The following TENM4 variants were observed in gnomAD, a reference collection of about 807,000 sequenced individuals.
TENM4 encodes the protein teneurin-4.
TENM4 carries 82 observed loss-of-function variants against 243.3 expected under a neutral mutation model. That is an observed-to-expected ratio of 0.34 (90% CI 0.28 to 0.40). The LOEUF (loss-of-function observed/expected upper bound fraction) is 0.40, where lower values mean the gene tolerates loss of function less well. Among genes scored for constraint, TENM4 ranks in the 10% least tolerant of loss-of-function variants. TENM4 has a pLI of 1.00. For synonymous variants in TENM4, 1,412 were observed against 1,456.3 expected (o/e 0.97, Z 0.69); for missense variants, 3,138 against 3,673.3 (o/e 0.85, Z 3.77).
chr11:79,098,370 C>T (rs559257350), intron 4 of TENM4, among the ~76,000 whole-genome samples: 2 of 152,312 alleles, frequency 1.3e-5, no homozygotes, highest in South Asian at 2.1e-4. Flanking sequence ...TGGCTCCTGA[C>T]AGCCTACTCC....
At chr11:79,359,272 G>A (rs1231822994) in intron 1 of TENM4, among the ~76,000 whole-genome samples, 7 of 152,114 alleles carry the variant, frequency 4.6e-5, no homozygotes, top group Admixed American at 4.6e-4. Flanking sequence ...AAAAAAGAAT[G>A]AATCCAGTAT....
At chr11:78,898,978 C>A (rs559110997) in intron 7 of TENM4, among the ~76,000 whole-genome samples, 1 of 152,166 alleles carries the variant, frequency 6.6e-6, no homozygotes, top group Non-Finnish European at 1.5e-5. Context: ...TTTGTTACAA[C>A]AGCCTTATGA....
chr11:79,039,352 A>G (rs1004618037), intron 6 of TENM4, among the ~76,000 whole-genome samples: 2 of 152,154 alleles, frequency 1.3e-5, no homozygotes, highest in African/African-American at 4.8e-5. Flanking sequence ...TCCCAGCCCC[A>G]CACTTGCTGT....
chr11:79,375,701 T>C (rs1857877579), intron 1 of TENM4, among the ~76,000 whole-genome samples: 1 of 152,118 alleles, frequency 6.6e-6, no homozygotes, highest in South Asian at 2.1e-4. Context: ...GTGAAGCAAT[T>C]AAGACATACA....
intron 1 of TENM4, among the ~76,000 whole-genome samples, chr11:79,404,776 T>C (rs1858532776): frequency 6.6e-6 from 1 of 151,918 alleles, no homozygotes; most frequent in African/African-American, 2.4e-5. Context: ...AGTTATGAAA[T>C]CCCAAGACAA....
chr11:79,320,906 C>T (rs1040358064), intron 1 of TENM4, among the ~76,000 whole-genome samples: 6 of 152,202 alleles, frequency 3.9e-5, no homozygotes, highest in African/African-American at 1.4e-4. Context: ...GGGCTAAAAA[C>T]TGAGCTAGGT....
At chr11:78,874,722 C>T (rs1438651485) in intron 9 of TENM4, among the ~76,000 whole-genome samples, 1 of 152,172 alleles carries the variant, frequency 6.6e-6, no homozygotes, top group Non-Finnish European at 1.5e-5. Flanking sequence ...TACACAGTGC[C>T]ACACACAGGC....
chr11:78,775,558 T>G (rs1476358778), intron 17 of TENM4, among the ~76,000 whole-genome samples: 1 of 152,230 alleles, frequency 6.6e-6, no homozygotes, highest in African/African-American at 2.4e-5. Context: ...GAACAAGGTT[T>G]GCTTTCATCC....
chr11:79,356,111 T>C (rs753461527), intron 1 of TENM4, among the ~76,000 whole-genome samples: 2 of 152,168 alleles, frequency 1.3e-5, no homozygotes, highest in Admixed American at 1.3e-4. Flanking sequence ...CTGGGCAAGA[T>C]GAATGCAAGG....
In TENM4 at chr11:79,308,006, T is replaced by C. The variant is rs144051315; in HGVS notation, c.-320-10463A>G. On this transcript the variant is annotated intron_variant, in intron 1 of 33. Coordinates refer to ENST00000278550, the MANE Select transcript of TENM4 (RefSeq NM_001098816.3). ...CAACAATTGGGAGATGTTGGTCTGA[T>C]GTAACTGAATGCCAACAAGGCTGCA... Among the ~76,000 whole-genome samples, 247 of 152,314 alleles carry C rather than the reference T, an allele frequency of 1.6e-3. 1 individual carries two copies. The highest frequency in any genetic ancestry group is 3.0e-3 in the Non-Finnish European group (201 of 68,022).
intron 1 of TENM4, among the ~76,000 whole-genome samples, chr11:79,396,955 C>G (rs556853877): frequency 9.8e-4 from 149 of 152,330 alleles, no homozygotes; most frequent in African/African-American, 3.6e-3. Flanking sequence ...ACAAGGGACT[C>G]TGCCTTTCAT....
intron 19 of TENM4, among the ~76,000 whole-genome samples, chr11:78,749,513 C>A (rs1210210846): frequency 2.0e-5 from 3 of 152,128 alleles, no homozygotes; most frequent in African/African-American, 7.2e-5. Flanking sequence ...TGCTCGCCCT[C>A]TTGAGGGCTT....
At chr11:78,683,415 C>T (rs1431875464) in intron 29 of TENM4, among the ~76,000 whole-genome samples, 1 of 68,444 alleles carries the variant, frequency 1.5e-5, no homozygotes, top group East Asian at 2.2e-4. Context: ...GACTGCTGTG[C>T]TAGCAATCAG....
chr11:78,841,971 T>C (rs80134163), intron 12 of TENM4, among the ~76,000 whole-genome samples: 2,583 of 152,236 alleles, frequency 0.017, 97 homozygotes, highest in African/African-American at 0.06. Context: ...CTTCTGAACG[T>C]TGGGGCTCCA....
chr11:78,694,080 T>C (rs368668843), intron 28 of TENM4, among the ~76,000 whole-genome samples: 3 of 152,170 alleles, frequency 2.0e-5, no homozygotes, highest in South Asian at 4.1e-4. Flanking sequence ...AAGGACATCT[T>C]CACACACACT....
chr11:79,056,194 G>C (rs931255499), intron 6 of TENM4, among the ~76,000 whole-genome samples: 1 of 152,254 alleles, frequency 6.6e-6, no homozygotes, highest in Admixed American at 6.5e-5. Flanking sequence ...GCCTCCACTG[G>C]AATTGAAAAT....
At chr11:78,983,132 C>T (rs980669124) in intron 6 of TENM4, among the ~76,000 whole-genome samples, 12 of 152,226 alleles carry the variant, frequency 7.9e-5, no homozygotes, top group African/African-American at 2.2e-4. Context: ...ATAATTCACA[C>T]TTTTTGAGCA....
intron 4 of TENM4, among the ~76,000 whole-genome samples, chr11:79,102,295 T>A (rs1353435410): frequency 6.6e-6 from 1 of 152,196 alleles, no homozygotes; most frequent in East Asian, 1.9e-4. Context: ...GGTTAGACAC[T>A]TGGAAGAACT....
At chr11:79,156,349 T>A (rs1862615952) in intron 3 of TENM4, among the ~76,000 whole-genome samples, 1 of 152,224 alleles carries the variant, frequency 6.6e-6, no homozygotes, top group Non-Finnish European at 1.5e-5. Flanking sequence ...ATAGATTGAT[T>A]CCTCTCTGGT....
Sources: allele counts gnomAD v4.1 joint callset (sites outside exome capture counted in the v4.1 genomes callset), GRCh38; gene constraint gnomAD v4.1.1; transcripts MANE v1.5; gene names NCBI Gene and HGNC (gene_info 2026-07-23, HGNC 2026-07-21).